Variants in CACNA1B observed in about 807,000 individuals in gnomAD.
CACNA1B encodes the protein calcium voltage-gated channel subunit alpha1 B.
Under a neutral mutation model 247.2 loss-of-function variants are expected in CACNA1B, and 70 were observed. The observed-to-expected ratio is 0.28, with a 90% CI of 0.23 to 0.35. The LOEUF (loss-of-function observed/expected upper bound fraction) is 0.35, where lower values mean the gene tolerates loss of function less well. CACNA1B is among the 10% of genes least tolerant of loss of function. The pLI is 1.00. For synonymous variants in CACNA1B, 1,231 were observed against 1,294.4 expected, an observed-to-expected ratio of 0.95 and a Z score of 1.05; for missense variants, 2,367 against 3,197.4, an observed-to-expected ratio of 0.74 and a Z score of 6.26.
intron 36 of CACNA1B, among the ~76,000 whole-genome samples, chr9:138,087,646 C>T (rs777659220): frequency 5.8e-5 from 7 of 121,244 alleles, no homozygotes; most frequent in Middle Eastern, 5.2e-3. Context: ...ACCCAGGAGG[C>T]GGAGGTTGCA....
In CACNA1B at chr9:137,986,432, A is replaced by G; in HGVS notation, c.1789A>G (p.Asn597Asp). Residue 597 changes from asparagine (N) to aspartate (D), a missense_variant, in exon 14 of 47, where the codon AAC becomes GAC. Coordinates refer to ENST00000371372, the MANE Select transcript of CACNA1B (RefSeq NM_000718.4). This position sits in a 1 kb window ranked among gnomAD's most constrained non-coding sequence, Gnocchi z 6.0. The stretch of plus-strand genomic sequence containing the variant: ...CCGCAGGTACTGGAGCTCCCTGCGG[A>G]ACCTGGTGGTGTCCCTGCTGAACTC... ...KVTKYWSSLR[N>D]LVVSLLNSMK... is the part of the protein sequence containing the mutation. 1.2e-6 allele frequency: 2 copies of G among 1,613,838 alleles called. No individual in the cohort carries two copies. Among genetic ancestry groups the G allele is most frequent in the Non-Finnish European group, 1.7e-6 (2 of 1,179,804 alleles).
rs779077983 is a variant in CACNA1B, at chr9:138,059,193, C to T, written c.4584+4C>T. The T allele has an allele frequency of 5.3e-5, 83 of 1,570,916 alleles. No individual in the cohort carries two copies. The South Asian group carries it at 6.3e-4, about 12-fold the overall frequency. ...GATCATCGCCTTTGGGGTGCTGGTA[C>T]GTGCTTTGGTCCCTGCTTTGCCTTT... is the stretch of plus-strand genomic sequence containing the variant. On this transcript the variant is annotated splice_donor_region_variant and intron_variant, in intron 30 of 46. Transcript: ENST00000371372. The surrounding 1 kb of genome is among the most constrained non-coding windows in gnomAD (Gnocchi z 4.2).
chr9:138,008,155 G>C (rs1325280893), intron 16 of CACNA1B, among the ~76,000 whole-genome samples: 1 of 152,230 alleles, frequency 6.6e-6, no homozygotes, highest in Non-Finnish European at 1.5e-5. Context: ...GGGTGGCCCT[G>C]GGGCTGGCAC....
intron 3 of CACNA1B, among the ~76,000 whole-genome samples, chr9:137,894,943 G>C (rs754152057): frequency 6.6e-5 from 10 of 152,076 alleles, no homozygotes; most frequent in Non-Finnish European, 1.5e-4. Flanking sequence ...CGAACTCTTT[G>C]CCAGCCCTAG....
rs1325817684 is a variant in CACNA1B, at chr9:138,054,529, C to T, written c.3968+523C>T. Among the ~76,000 whole-genome samples, 7 of 152,226 alleles carry T rather than the reference C, an allele frequency of 4.6e-5. No homozygotes were observed. The highest frequency in any genetic ancestry group is 7.3e-5 in the Non-Finnish European group (5 of 68,036). On this transcript the variant is annotated intron_variant, in intron 26 of 46. Coordinates refer to ENST00000371372, the MANE Select transcript of CACNA1B (RefSeq NM_000718.4). The surrounding 1 kb of genome is among the most constrained non-coding windows in gnomAD (Gnocchi z 4.6). ...CCGGGCAAGGCAGTACCCACAGTGT[C>T]TTCCTGCCCACGCGGCAGCGTCCCA... is the stretch of plus-strand genomic sequence containing the variant.
At chr9:138,027,888 G>C (rs1958940324) in intron 20 of CACNA1B, among the ~76,000 whole-genome samples, 1 of 151,946 alleles carries the variant, frequency 6.6e-6, no homozygotes, top group African/African-American at 2.4e-5. Flanking sequence ...GTGTTCTGTA[G>C]CTTTCTTTTG....
intron 44 of CACNA1B, 30 bp from the exon 45 acceptor site, chr9:138,120,135 C>T (rs1477456328): frequency 6.4e-7 from 1 of 1,559,762 alleles, no homozygotes; most frequent in Non-Finnish European, 8.7e-7. Flanking sequence ...GGTGCCTCCC[C>T]TAGGCCCACT....
rs146168954 is a variant in CACNA1B at position 137,949,898 on chromosome 9, C to T, written c.967-2376C>T. On this transcript the variant is annotated intron_variant, in intron 6 of 46. Coordinates refer to ENST00000371372, the MANE Select transcript of CACNA1B (RefSeq NM_000718.4). ...TACTTGACCAAGTATCTGAGTACCC[C>T]GTGGCCCAGCTAAGTTGACACAACA... Among the ~76,000 whole-genome samples the T allele has an allele frequency of 2.0e-5, 3 of 152,232 alleles. No homozygotes were observed. The East Asian group carries it at 5.8e-4, about 29-fold the overall frequency.
chr9:138,040,313 G>C (rs1247926741), intron 20 of CACNA1B, among the ~76,000 whole-genome samples: 3 of 152,104 alleles, frequency 2.0e-5, no homozygotes, highest in African/African-American at 7.2e-5. Flanking sequence ...TGCACTCATT[G>C]TTTCTGTTGT....
At chr9:137,892,192 T>C (rs1281803365) in intron 3 of CACNA1B, 1 of 456,802 alleles carries the variant, frequency 2.2e-6, no homozygotes, top group African/African-American at 2.0e-5. Context: ...CTGGGGAGGC[T>C]GGAGCAAAGC....
At chr9:138,077,972 C>T in intron 35 of CACNA1B, 142 bp from the exon 36 acceptor site, 2 of 633,168 alleles carry the variant, frequency 3.2e-6, no homozygotes, top group Non-Finnish European at 5.4e-6. Context: ...TTTGAAGAAA[C>T]AGCATCTGTG....
rs1957936752 is a variant in CACNA1B, at chr9:137,955,590, G to A, written c.1071-108G>A. The A allele has an allele frequency of 1.4e-6, 1 of 731,238 alleles. No homozygotes were observed. The highest frequency in any genetic ancestry group is 2.7e-5 in the East Asian group (1 of 36,752). The allele number at this position is 731,238 out of a possible 1,614,324, so 45.3% of individuals were successfully genotyped here. A position where few individuals can be genotyped will look rare whatever the true frequency, so the allele number is the denominator to read the frequency against. The stretch of plus-strand genomic sequence containing the variant: ...GGCCTGCCTGAAGCAGCAGCCTGCA[G>A]CCTGCGTCTCCTGTCCCAGGCTTTC... On this transcript the variant is annotated intron_variant, in intron 7 of 46. Transcript: ENST00000371372. This position sits in a 1 kb window ranked among gnomAD's most constrained non-coding sequence, Gnocchi z 6.9.
chr9:138,086,281 A>T (rs1225458155), intron 36 of CACNA1B, among the ~76,000 whole-genome samples: 1 of 151,278 alleles, frequency 6.6e-6, no homozygotes, highest in Non-Finnish European at 1.5e-5. Flanking sequence ...AAGTAAAGGG[A>T]TGAAAAACAT....
chr9:138,010,270 G>A lies in CACNA1B; in HGVS notation c.2160+193G>A, dbSNP rs371863446. The stretch of plus-strand genomic sequence containing the variant: ...ATGCAGGGAGAGCCAAAGCCCCGAA[G>A]GCAGATGGACAGGCAGGCTCTCAGG... On this transcript the variant is annotated intron_variant, in intron 17 of 46. Transcript: ENST00000371372. The surrounding 1 kb of genome is among the most constrained non-coding windows in gnomAD (Gnocchi z 5.3). Among the ~76,000 whole-genome samples the A allele has an allele frequency of 1.7e-4, 26 of 152,306 alleles. No homozygotes were observed. In the East Asian group the frequency reaches 5.0e-3, roughly 29 times the overall value.
intron 6 of CACNA1B, among the ~76,000 whole-genome samples, chr9:137,929,626 G>C (rs1331538590): frequency 6.6e-6 from 1 of 152,126 alleles, no homozygotes; most frequent in South Asian, 2.1e-4. Flanking sequence ...TGGTATTTCT[G>C]TTCAGTTTTG....
intron 18 of CACNA1B, among the ~76,000 whole-genome samples, chr9:138,015,856 C>T (rs549906388): frequency 6.6e-6 from 1 of 152,194 alleles, no homozygotes; most frequent in African/African-American, 2.4e-5. Context: ...TGGTTCTCTG[C>T]TGGGTCAGCC....
intron 6 of CACNA1B, among the ~76,000 whole-genome samples, chr9:137,918,856 G>C (rs1192366015): frequency 1.3e-5 from 2 of 152,248 alleles, no homozygotes; most frequent in African/African-American, 4.8e-5. Context: ...TCCTCGAGTG[G>C]GAGTCGTGTC....
At chr9:137,963,122 T>TACCACTATGTAATACCCTTC (rs1434450096) in intron 10 of CACNA1B, among the ~76,000 whole-genome samples, 1 of 152,242 alleles carries the variant, frequency 6.6e-6, no homozygotes, top group Non-Finnish European at 1.5e-5. Flanking sequence ...TTGAACCCTT[T>TACCACTATGTAATACCCTTC]ACCACTATGT....
chr9:137,965,248 C>T (rs1426638241), intron 10 of CACNA1B, among the ~76,000 whole-genome samples: 3 of 152,242 alleles, frequency 2.0e-5, no homozygotes, highest in Non-Finnish European at 4.4e-5. Flanking sequence ...GAGATGCCTT[C>T]GTTCCCTGAT....
Sources: allele counts gnomAD v4.1 joint callset (sites outside exome capture counted in the v4.1 genomes callset), GRCh38; gene constraint gnomAD v4.1.1; non-coding constraint Gnocchi (gnomAD v3.1); transcripts MANE v1.5; gene names NCBI Gene and HGNC (gene_info 2026-07-23, HGNC 2026-07-21).